MBNL1: variants seen among roughly 807,000 people sequenced by gnomAD.
The protein encoded by MBNL1 is muscleblind like splicing regulator 1.
In MBNL1, 8 loss-of-function variants were observed where a neutral mutation model predicts 42.2. That is an observed-to-expected ratio of 0.19 (90% CI 0.11 to 0.34). MBNL1 has a LOEUF of 0.34. Ranked by LOEUF, MBNL1 falls within the 10% of genes least tolerant of loss-of-function variation. The pLI is 1.00. For synonymous variants in MBNL1, 169 were observed against 173.9 expected (o/e 0.97, Z 0.22); for missense variants, 309 against 495.3 (o/e 0.62, Z 3.57).
intron 2 of MBNL1, chr3:152,300,906 A>G: frequency 1.0e-6 from 1 of 982,954 alleles, no homozygotes; most frequent in Non-Finnish European, 1.2e-6. Flanking sequence ...TTTATGGAAA[A>G]TGTAACTAGA....
intron 2 of MBNL1, chr3:152,262,554 G>A (rs979648789): frequency 2.0e-5 from 3 of 152,186 alleles, no homozygotes; most frequent in Admixed American, 2.0e-4. Context: ...TAGGAACATT[G>A]ACACTGCTAT....
rs892324183 is a variant in MBNL1, at chr3:152,401,706, G to C, written c.175-13235G>C. On this transcript the variant is annotated intron_variant, in intron 2 of 9. Transcript: ENST00000324210. Reference sequence around the variant, plus strand: ...TAAACTATACTATAGTCCAGTGAAAGAGGCTTCGTTTGGGTTAATTCATTA... The same window carrying C: ...TAAACTATACTATAGTCCAGTGAAACAGGCTTCGTTTGGGTTAATTCATTA... Among the ~76,000 whole-genome samples the C allele has an allele frequency of 3.3e-5, 5 of 152,164 alleles. No homozygotes were observed. In the East Asian group the frequency reaches 9.6e-4, roughly 29 times the overall value.
chr3:152,319,389 AG>A (rs975565727), intron 2 of MBNL1, among the ~76,000 whole-genome samples: 18 of 152,184 alleles, frequency 1.2e-4, no homozygotes, highest in Admixed American at 1.0e-3. Context: ...AGGAGTGGTG[AG>A]GTTAGGGTTT....
intron 2 of MBNL1, among the ~76,000 whole-genome samples, chr3:152,391,314 A>T (rs1395841929): frequency 6.6e-6 from 1 of 152,254 alleles, no homozygotes; most frequent in Non-Finnish European, 1.5e-5. Flanking sequence ...CCTAAAATGA[A>T]TAATGATTCT....
chr3:152,349,806 T>C (rs1489687597), intron 2 of MBNL1, among the ~76,000 whole-genome samples: 1 of 152,054 alleles, frequency 6.6e-6, no homozygotes, highest in Non-Finnish European at 1.5e-5. Flanking sequence ...GTTTTTATCA[T>C]TCATTTCTCA....
intron 2 of MBNL1, among the ~76,000 whole-genome samples, chr3:152,375,690 G>A (rs2096867865): frequency 6.6e-6 from 1 of 152,020 alleles, no homozygotes; most frequent in African/African-American, 2.4e-5. Flanking sequence ...TCTTCGATGT[G>A]TGCCTGTAGT....
chr3:152,372,051 G>T (rs143117773), intron 2 of MBNL1, among the ~76,000 whole-genome samples: 2,393 of 152,068 alleles, frequency 0.016, 56 homozygotes, highest in African/African-American at 0.055. Context: ...TCATTAAGTT[G>T]ATCTTCAATC....
intron 2 of MBNL1, among the ~76,000 whole-genome samples, chr3:152,351,034 A>G (rs2094912079): frequency 6.6e-6 from 1 of 152,154 alleles, no homozygotes; most frequent in African/African-American, 2.4e-5. Flanking sequence ...TTTCCAAAAC[A>G]AGTCCTCAAT....
At chr3:152,392,758 T>C (rs2097773378) in intron 2 of MBNL1, among the ~76,000 whole-genome samples, 1 of 152,206 alleles carries the variant, frequency 6.6e-6, no homozygotes, top group Admixed American at 6.5e-5. Context: ...GAATATTCCA[T>C]GTTCTGGCAA....
intron 6 of MBNL1, chr3:152,449,520 TA>T (rs1717506907): frequency 6.6e-6 from 1 of 152,200 alleles, no homozygotes; most frequent in Admixed American, 6.5e-5. Context: ...GTTTTTTTTC[TA>T]AATAAGTATA....
intron 3 of MBNL1, 124 bp downstream of exon 3, chr3:152,415,235 T>G (rs2098677500): frequency 1.7e-5 from 15 of 883,342 alleles, no homozygotes; most frequent in Non-Finnish European, 2.3e-5. Flanking sequence ...CTTACCATTT[T>G]CTAGCAAAAT....
At chr3:152,462,035 A>T (rs1747020294) in intron 9 of MBNL1, among the ~76,000 whole-genome samples, 1 of 152,126 alleles carries the variant, frequency 6.6e-6, no homozygotes, top group Non-Finnish European at 1.5e-5. Context: ...AACCTTATTA[A>T]ACTTCAGAAA....
intron 4 of MBNL1, 68 bp downstream of exon 4, chr3:152,432,988 T>G: frequency 6.7e-7 from 1 of 1,488,280 alleles, no homozygotes; most frequent in Non-Finnish European, 9.2e-7. Flanking sequence ...TTTTGTTTGT[T>G]TGTGTGTTTC....
intron 2 of MBNL1, among the ~76,000 whole-genome samples, chr3:152,306,633 A>G (rs778283816): frequency 2.0e-5 from 3 of 152,106 alleles, no homozygotes; most frequent in African/African-American, 7.2e-5. Context: ...GTTTTTATTT[A>G]TTATTATTTT....
chr3:152,406,728 T>A (rs2098438593), intron 2 of MBNL1, among the ~76,000 whole-genome samples: 1 of 152,148 alleles, frequency 6.6e-6, no homozygotes, highest in Non-Finnish European at 1.5e-5. Flanking sequence ...TTTTGGGATA[T>A]CGTAAATGTC....
chr3:152,261,240 GT>G (rs1188503404), intron 2 of MBNL1, among the ~76,000 whole-genome samples: 1 of 152,100 alleles, frequency 6.6e-6, no homozygotes, highest in Non-Finnish European at 1.5e-5. Flanking sequence ...TGTAGTCAGG[GT>G]TAAGAACCAC....
chr3:152,400,170 T>C lies in MBNL1; in HGVS notation c.175-14771T>C, dbSNP rs985323573. On this transcript the variant is annotated intron_variant, in intron 2 of 9. Transcript: ENST00000324210. Reference sequence around the variant, plus strand: ...TTGTGAGAGTTAATGGTAGACGTTGTAATTACCTTTGAACAGGCCACTGAG... The same window carrying C: ...TTGTGAGAGTTAATGGTAGACGTTGCAATTACCTTTGAACAGGCCACTGAG... Among the ~76,000 whole-genome samples the C allele has an allele frequency of 9.8e-5, 15 of 152,340 alleles. 1 individual carries two copies. In the Middle Eastern group the frequency reaches 0.024, roughly 242 times the overall value.
chr3:152,307,638 A>G (rs2063891888), intron 2 of MBNL1, among the ~76,000 whole-genome samples: 1 of 152,240 alleles, frequency 6.6e-6, no homozygotes, highest in South Asian at 2.1e-4. Context: ...TAATACATGC[A>G]AGGTCAGTCA....
At chr3:152,280,548 A>G (rs2047849462) in intron 1 of MBNL1, among the ~76,000 whole-genome samples, 1 of 152,144 alleles carries the variant, frequency 6.6e-6, no homozygotes, top group African/African-American at 2.4e-5. Context: ...AATCTTCCTC[A>G]TGCTAAATTC....
Sources: allele counts gnomAD v4.1 joint callset (sites outside exome capture counted in the v4.1 genomes callset), GRCh38; gene constraint gnomAD v4.1.1; transcripts MANE v1.5; gene names NCBI Gene and HGNC (gene_info 2026-07-23, HGNC 2026-07-21).